Variants in CA8 observed in about 807,000 individuals in gnomAD.
CA8 encodes the protein carbonic anhydrase 8 (inactive), also known as carbonic anhydrase-related protein.
A neutral mutation model predicts 41.4 loss-of-function variants in CA8; 22 were observed. The ratio of observed to expected loss-of-function variants is 0.53; its 90% confidence interval spans 0.38 to 0.76. CA8 has a LOEUF of 0.76. Ranked by LOEUF, CA8 falls within the 30% of genes least tolerant of loss-of-function variation. The probability of loss-of-function intolerance (pLI) is 0.00; values close to 1 mark genes in which losing one functional copy is unlikely to be tolerated. For missense variants in CA8, 270 were observed against 352.8 expected (o/e 0.77, Z 1.88); for synonymous variants, 121 against 130.6 (o/e 0.93, Z 0.50).
At chr8:60,231,202 G>T (rs555451507) in intron 4 of CA8, among the ~76,000 whole-genome samples, 2 of 151,652 alleles carry the variant, frequency 1.3e-5, no homozygotes, top group African/African-American at 2.4e-5. Context: ...GTTATATAAC[G>T]CCGTTATAAA....
At chr8:60,279,658 A>G in intron 2 of CA8, 31 bp downstream of exon 2, 1 of 1,592,090 alleles carries the variant, frequency 6.3e-7, no homozygotes, top group South Asian at 1.1e-5. Flanking sequence ...TTCTAGTTTA[A>G]AAGACCACAC....
intron 2 of CA8, among the ~76,000 whole-genome samples, chr8:60,270,990 CA>C (rs1804052364): frequency 6.6e-6 from 1 of 152,118 alleles, no homozygotes; most frequent in South Asian, 2.1e-4. Context: ...CAAAATGATG[CA>C]GATGACAGGA....
chr8:60,246,777 A>G (rs1808253225), intron 3 of CA8, among the ~76,000 whole-genome samples: 2 of 152,062 alleles, frequency 1.3e-5, no homozygotes, highest in Admixed American at 6.5e-5. Context: ...TTGCTTTTAT[A>G]TAAAAGTATT....
At chr8:60,191,962 G>A (rs1223942393) in intron 8 of CA8, among the ~76,000 whole-genome samples, 2 of 152,052 alleles carry the variant, frequency 1.3e-5, no homozygotes, top group Non-Finnish European at 2.9e-5. Context: ...GGTAAATGCT[G>A]AATGAATTCT....
intron 8 of CA8, 79 bp downstream of exon 8, chr8:60,208,671 G>T: frequency 1.6e-6 from 2 of 1,226,730 alleles, no homozygotes; most frequent in Non-Finnish European, 2.4e-6. Flanking sequence ...TAAATTACCA[G>T]GATCACAATA....
intron 8 of CA8, among the ~76,000 whole-genome samples, chr8:60,192,736 A>T (rs565201429): frequency 2.0e-5 from 3 of 152,256 alleles, no homozygotes; most frequent in African/African-American, 7.2e-5. Context: ...AAAGTTTTTA[A>T]ATGTTTGTTA....
chr8:60,217,498 C>A (rs59743106), intron 7 of CA8, among the ~76,000 whole-genome samples: 3 of 151,974 alleles, frequency 2.0e-5, no homozygotes, highest in Non-Finnish European at 4.4e-5. Flanking sequence ...CAGTGCACAT[C>A]CCTGGTTACA....
intron 4 of CA8, among the ~76,000 whole-genome samples, chr8:60,231,899 G>T (rs758397570): frequency 1.3e-5 from 2 of 152,058 alleles, no homozygotes; most frequent in Non-Finnish European, 2.9e-5. Context: ...ATAAAGAAGG[G>T]CTAAAGTAAT....
At chr8:60,249,962 C>T (rs1808390081) in intron 3 of CA8, among the ~76,000 whole-genome samples, 1 of 152,060 alleles carries the variant, frequency 6.6e-6, no homozygotes, top group African/African-American at 2.4e-5. Context: ...TCATAATACG[C>T]AAAGTGGGAG....
intron 8 of CA8, among the ~76,000 whole-genome samples, chr8:60,194,732 T>G (rs945429214): frequency 1.3e-5 from 2 of 152,176 alleles, no homozygotes; most frequent in Non-Finnish European, 2.9e-5. Context: ...GATTCTATCA[T>G]GCGAACGGGT....
At chr8:60,197,086 T>C (rs928251749) in intron 8 of CA8, among the ~76,000 whole-genome samples, 3 of 152,126 alleles carry the variant, frequency 2.0e-5, no homozygotes, top group Non-Finnish European at 4.4e-5. Flanking sequence ...CATAGAACTC[T>C]TGGGAAAAGC....
chr8:60,249,090 G>C (rs1222169642), intron 3 of CA8, among the ~76,000 whole-genome samples: 2 of 152,058 alleles, frequency 1.3e-5, no homozygotes, highest in African/African-American at 4.8e-5. Flanking sequence ...CAATGTTACA[G>C]TAAATTATAT....
intron 7 of CA8, among the ~76,000 whole-genome samples, chr8:60,210,215 C>G (rs1260722295): frequency 6.6e-6 from 1 of 152,194 alleles, no homozygotes; most frequent in Non-Finnish European, 1.5e-5. Flanking sequence ...TATAATCTAT[C>G]TCCTTCACAT....
At chr8:60,200,059 A>G (rs867918159) in intron 8 of CA8, among the ~76,000 whole-genome samples, 2 of 152,164 alleles carry the variant, frequency 1.3e-5, no homozygotes, top group Non-Finnish European at 2.9e-5. Context: ...GATTATATTG[A>G]TCATGTGGGC....
intron 2 of CA8, among the ~76,000 whole-genome samples, chr8:60,276,824 G>C (rs1804252232): frequency 6.6e-6 from 1 of 152,138 alleles, no homozygotes; most frequent in African/African-American, 2.4e-5. Context: ...AGGGCAATAA[G>C]AAAACTGGCC....
intron 8 of CA8, chr8:60,208,547 C>A: frequency 1.7e-6 from 1 of 573,576 alleles, no homozygotes; most frequent in Non-Finnish European, 3.1e-6. Flanking sequence ...AAAATATAAT[C>A]ATAGTTTTTC....
intron 3 of CA8, among the ~76,000 whole-genome samples, chr8:60,252,049 C>T (rs1394426442): frequency 2.0e-5 from 3 of 152,112 alleles, no homozygotes; most frequent in Non-Finnish European, 4.4e-5. Context: ...TAATTTGATG[C>T]ATCTTCATTT....
At chr8:60,224,732 CT>C in intron 5 of CA8, 147 bp from the exon 6 acceptor site, 1 of 635,396 alleles carries the variant, frequency 1.6e-6, no homozygotes, top group Non-Finnish European at 2.8e-6. Context: ...CTCCTTCCAC[CT>C]TCTCATTGGA....
At chr8:60,200,977 A>T (rs1257198472) in intron 8 of CA8, among the ~76,000 whole-genome samples, 1 of 152,230 alleles carries the variant, frequency 6.6e-6, no homozygotes, top group Non-Finnish European at 1.5e-5. Context: ...CTCTTGCAAC[A>T]GTCATGAGGA....
Sources: allele counts gnomAD v4.1 joint callset (sites outside exome capture counted in the v4.1 genomes callset), GRCh38; gene constraint gnomAD v4.1.1; transcripts MANE v1.5; gene names NCBI Gene and HGNC (gene_info 2026-07-23, HGNC 2026-07-21).